Variants in MTARC2 observed in about 807,000 individuals in gnomAD.
The protein encoded by MTARC2 is MOCO sulphurase C-terminal domain containing 2.
A neutral mutation model predicts 35.6 loss-of-function variants in MTARC2; 27 were observed. The ratio of observed to expected loss-of-function variants is 0.76; its 90% CI spans 0.56 to 1.04. The LOEUF (loss-of-function observed/expected upper bound fraction) is 1.04. MTARC2 is among the 50% of genes least tolerant of loss of function. MTARC2 has a pLI of 0.00. For synonymous variants in MTARC2, 158 were observed against 167.1 expected (o/e 0.95, Z 0.42); for missense variants, 412 against 432.5 (o/e 0.95, Z 0.42).
At chr1:220,754,894 G>T in intron 1 of MTARC2, 53 bp from the exon 2 acceptor site, 1 of 1,496,978 alleles carries the variant, frequency 6.7e-7, no homozygotes, top group Non-Finnish European at 9.0e-7. Flanking sequence ...GAGGGAAGCT[G>T]TTGGGAGGTG....
intron 4 of MTARC2, among the ~76,000 whole-genome samples, chr1:220,773,178 A>G (rs1023611343): frequency 2.0e-5 from 3 of 152,158 alleles, no homozygotes; most frequent in Non-Finnish European, 4.4e-5. Context: ...TCTCAGGGGA[A>G]GGGAGAGGGG....
At position 220,781,826 on chromosome 1, in the gene MTARC2, A is replaced by G. The variant is rs12030434; in HGVS notation, c.933A>G (p.Pro311=). The G allele has an allele frequency of 9.0e-3, 14,493 of 1,614,104 alleles. 242 individuals carry two copies. The highest frequency in any genetic ancestry group is 0.056 in the East Asian group (2,507 of 44,858). Reference sequence around the variant, plus strand: ...AGAGGGAATTGTACAAGTTGTCTCCACTTTTTGGGATCTATTATTCAGTGG... The same window carrying G: ...AGAGGGAATTGTACAAGTTGTCTCCGCTTTTTGGGATCTATTATTCAGTGG... ...PSERELYKLS[P]LFGIYYSVEK... The change falls in exon 7 of 8, where the codon CCA becomes CCG. Residue 311 remains proline (P), a synonymous_variant. Coordinates refer to ENST00000366913, the MANE Select transcript of MTARC2 (RefSeq NM_017898.5).
In MTARC2 at chr1:220,748,351, A is replaced by G. The variant is rs1220937750; in HGVS notation, c.-181A>G. 1 of 579,650 alleles carries G rather than the reference A, an allele frequency of 1.7e-6. No individual in the cohort carries two copies. Among genetic ancestry groups the G allele is most frequent in the African/African-American group, 2.0e-5 (1 of 50,880 alleles). The allele number at this position is 579,650 out of a possible 1,614,324, so 35.9% of individuals were successfully genotyped here. On this transcript the variant is annotated 5_prime_UTR_variant, in exon 1 of 8. Transcript: ENST00000366913. ...ACCGCGCAGGCTTGGTCACCGCATT[A>G]AGGCATTCCCGCTCTCCGCGGAACT...
intron 4 of MTARC2, among the ~76,000 whole-genome samples, chr1:220,771,387 C>T (rs1225609499): frequency 6.6e-6 from 1 of 151,082 alleles, no homozygotes; most frequent in Non-Finnish European, 1.5e-5. Flanking sequence ...CAACAGATGC[C>T]TCCAGGCACA....
At chr1:220,782,823 TC>T (rs1304135955) in intron 7 of MTARC2, among the ~76,000 whole-genome samples, 1 of 152,224 alleles carries the variant, frequency 6.6e-6, no homozygotes, top group Non-Finnish European at 1.5e-5. Flanking sequence ...GTTTAACTTC[TC>T]TTTAAGTCTC....
At chr1:220,761,107 C>T (rs1034668976) in intron 2 of MTARC2, among the ~76,000 whole-genome samples, 6 of 152,120 alleles carry the variant, frequency 3.9e-5, no homozygotes, top group South Asian at 2.1e-4. Flanking sequence ...CCTTGAGGGC[C>T]GCTGTGTTAT....
intron 2 of MTARC2, chr1:220,756,445 GA>G (rs1218899711): frequency 5.9e-5 from 9 of 152,260 alleles, no homozygotes; most frequent in Non-Finnish European, 1.0e-4. Context: ...GCAAGCCCAT[GA>G]GGGGGTCATT....
intron 2 of MTARC2, among the ~76,000 whole-genome samples, chr1:220,759,104 C>T (rs1201135349): frequency 3.3e-5 from 5 of 152,174 alleles, no homozygotes; most frequent in Admixed American, 2.6e-4. Flanking sequence ...TCCACTTTTA[C>T]ATAGCAAGTC....
intron 4 of MTARC2, among the ~76,000 whole-genome samples, chr1:220,776,557 A>C (rs146357500): frequency 2.4e-4 from 37 of 152,292 alleles, no homozygotes; most frequent in Non-Finnish European, 4.4e-4. Context: ...TAGGTTGAGA[A>C]TATATATGAT....
chr1:220,781,957 A>G, intron 7 of MTARC2, 25 bp downstream of exon 7: 1 of 1,579,516 alleles, frequency 6.3e-7, no homozygotes, highest in Non-Finnish European at 8.6e-7. Context: ...TTGCTTCTGA[A>G]TACGCTGTCT....
chr1:220,748,858 G>C (rs558666626), intron 1 of MTARC2, 55 bp downstream of exon 1: 43 of 1,492,940 alleles, frequency 2.9e-5, no homozygotes, highest in Admixed American at 2.8e-4. Flanking sequence ...ATGAGGAGCG[G>C]GGGGGCAGGT....
Position 220,748,808 on chromosome 1 carries a change from A to G in MTARC2, c.272+5A>G, listed in dbSNP as rs767608272. The G allele has an allele frequency of 1.3e-6, 2 of 1,578,468 alleles. No individual in the cohort carries two copies. Among genetic ancestry groups the G allele is most frequent in the African/African-American group, 1.4e-5 (1 of 72,990 alleles). Reference sequence around the variant, plus strand: ...CAGCGGCAACCTGCGGGACAGGTACAGCACAGCGCGGGCGCGGGGCAGCGC... The same window carrying G: ...CAGCGGCAACCTGCGGGACAGGTACGGCACAGCGCGGGCGCGGGGCAGCGC... On this transcript the variant is annotated splice_donor_5th_base_variant and intron_variant, in intron 1 of 7. Coordinates refer to ENST00000366913, the MANE Select transcript of MTARC2 (RefSeq NM_017898.5).
At chr1:220,752,174 G>A (rs1243606837) in intron 1 of MTARC2, among the ~76,000 whole-genome samples, 2 of 152,134 alleles carry the variant, frequency 1.3e-5, no homozygotes, top group Non-Finnish European at 2.9e-5. Context: ...TGTGAGCCAC[G>A]GTGAAGGGCG....
chr1:220,772,767 A>G (rs562871276), intron 4 of MTARC2, among the ~76,000 whole-genome samples: 1 of 152,124 alleles, frequency 6.6e-6, no homozygotes, highest in Middle Eastern at 3.4e-3. Context: ...ACTGGATCCA[A>G]TTGCGGGAAC....
intron 4 of MTARC2, among the ~76,000 whole-genome samples, chr1:220,767,939 A>C (rs337150): frequency 0.36 from 54,298 of 152,020 alleles, 12,212 homozygotes; most frequent in East Asian, 0.75. Context: ...GTCCCCAGAA[A>C]CTGAGTTTGG....
At chr1:220,764,167 C>T (rs1016887182) in intron 4 of MTARC2, among the ~76,000 whole-genome samples, 10 of 151,734 alleles carry the variant, frequency 6.6e-5, no homozygotes, top group African/African-American at 1.5e-4. Context: ...GATCTCGGCT[C>T]GCTGCAAACT....
At chr1:220,759,788 G>A (rs77626499) in intron 2 of MTARC2, among the ~76,000 whole-genome samples, 4,339 of 152,228 alleles carry the variant, frequency 0.029, 91 homozygotes, top group Middle Eastern at 0.048. Flanking sequence ...CAGTGGCTTC[G>A]AGAAGGGGGT....
chr1:220,777,529 G>C (rs1002590691), intron 4 of MTARC2, among the ~76,000 whole-genome samples: 5 of 152,196 alleles, frequency 3.3e-5, no homozygotes, highest in African/African-American at 7.2e-5. Context: ...GTAGGAATAG[G>C]TTTCTTTAGT....
At position 220,776,969 on chromosome 1, in the gene MTARC2, G is replaced by A. The variant is rs532344438; in HGVS notation, c.751-3049G>A. On this transcript the variant is annotated intron_variant, in intron 4 of 7. Coordinates refer to ENST00000366913, the MANE Select transcript of MTARC2 (RefSeq NM_017898.5). ...TTGATCCTTACTTCCCAGTACAGTAGCTGCCTTCCTGGGTCACACCCCATC... is the reference window on the plus strand; with the variant it reads ...TTGATCCTTACTTCCCAGTACAGTAACTGCCTTCCTGGGTCACACCCCATC... 2.0e-5 allele frequency among the ~76,000 whole-genome samples: 3 copies of A among 152,274 alleles called. No individual in the cohort carries two copies. In the East Asian group the frequency reaches 5.8e-4, roughly 29 times the overall value.
Sources: gnomAD v4.1 joint callset for allele counts (sites outside exome capture counted in the v4.1 genomes callset) on GRCh38, gnomAD v4.1.1 for gene constraint, MANE v1.5 for transcripts, NCBI Gene and HGNC (gene_info 2026-07-23, HGNC 2026-07-21) for gene names.